ANKFN1: variants seen among roughly 807,000 people sequenced by gnomAD.
ANKFN1 encodes the protein ankyrin repeat and fibronectin type III domain containing 1, also known as ankyrin repeat and fibronectin type-III domain-containing protein 1.
In ANKFN1, 74 loss-of-function variants were observed where a neutral mutation model predicts 108.7. That is an observed-to-expected ratio of 0.68 (90% confidence interval 0.56 to 0.83). ANKFN1 has a LOEUF of 0.83. Among genes scored for constraint, ANKFN1 ranks in the 40% least tolerant of loss-of-function variants. The pLI is 0.00. For synonymous variants in ANKFN1, 547 were observed against 516.2 expected (o/e 1.06, Z -0.81); for missense variants, 1,505 against 1,382.3 (o/e 1.09, Z -1.41).
chr17:56,246,737 A>T (rs934527770), intron 3 of ANKFN1, among the ~76,000 whole-genome samples: 13 of 148,818 alleles, frequency 8.7e-5, no homozygotes, highest in African/African-American at 1.7e-4. Flanking sequence ...AATTAGATTT[A>T]AAAAAAAAAC....
chr17:56,444,687 T>G (rs2049224363), intron 10 of ANKFN1, among the ~76,000 whole-genome samples: 1 of 152,112 alleles, frequency 6.6e-6, no homozygotes, highest in Non-Finnish European at 1.5e-5. Flanking sequence ...CCTCTTGAGG[T>G]GATTTTTATT....
chr17:56,207,473 C>T (rs1003005465), intron 1 of ANKFN1, among the ~76,000 whole-genome samples: 2 of 152,184 alleles, frequency 1.3e-5, no homozygotes, highest in Non-Finnish European at 2.9e-5. Context: ...GTAGGCATTC[C>T]ATCCTCTACC....
chr17:56,243,630 C>T (rs1164252711), intron 3 of ANKFN1, among the ~76,000 whole-genome samples: 1 of 152,096 alleles, frequency 6.6e-6, no homozygotes, highest in Non-Finnish European at 1.5e-5. Context: ...TCCTAGCCCT[C>T]CCTAATTCTA....
At chr17:56,427,633 C>T (rs952000304) in intron 8 of ANKFN1, among the ~76,000 whole-genome samples, 11 of 152,040 alleles carry the variant, frequency 7.2e-5, no homozygotes, top group African/African-American at 1.9e-4. Context: ...GGGACAGAGG[C>T]GCCAACCAGG....
At chr17:56,192,592 G>C (rs1913064240) in intron 1 of ANKFN1, among the ~76,000 whole-genome samples, 1 of 13,172 alleles carries the variant, frequency 7.6e-5, no homozygotes, top group Admixed American at 7.8e-4. Flanking sequence ...GTGGGCGAAG[G>C]ACATGAACAG....
intron 17 of ANKFN1, 104 bp from the exon 18 acceptor site, chr17:56,482,252 G>T (rs2050732690): frequency 9.5e-7 from 1 of 1,049,968 alleles, no homozygotes; most frequent in South Asian, 2.2e-5. Context: ...TTCCAAGCTT[G>T]AAGTTGTGTA....
chr17:56,381,121 G>A (rs549762459), intron 8 of ANKFN1, among the ~76,000 whole-genome samples: 5 of 152,238 alleles, frequency 3.3e-5, no homozygotes, highest in South Asian at 4.1e-4. Context: ...AGCAGCATTC[G>A]CAGTTCACAA....
chr17:56,157,541 C>G (rs1319581131), intron 1 of ANKFN1, among the ~76,000 whole-genome samples: 1 of 152,170 alleles, frequency 6.6e-6, no homozygotes, highest in Non-Finnish European at 1.5e-5. Context: ...CTTCCTCTCT[C>G]GAGACTTTAG....
In ANKFN1 at chr17:56,056,188, A is replaced by G. The variant is rs557683053; in HGVS notation, c.288+9863A>G. Among the ~76,000 whole-genome samples the G allele has an allele frequency of 9.9e-5, 15 of 152,048 alleles. No homozygotes were observed. The East Asian group carries it at 2.7e-3, about 27-fold the overall frequency. On this transcript the variant is annotated intron_variant, in intron 4 of 12. Coordinates refer to the ANKFN1 transcript ENST00000635860. Reference sequence around the variant, plus strand: ...CATTCTGTTGGTTGGTTGTTTACTCAGTTGATTCTTTTCTTTTGCTGTGCA... The same window carrying G: ...CATTCTGTTGGTTGGTTGTTTACTCGGTTGATTCTTTTCTTTTGCTGTGCA...
chr17:56,489,532 A>T (rs1568044783), intron 18 of ANKFN1, among the ~76,000 whole-genome samples: 1 of 151,656 alleles, frequency 6.6e-6, no homozygotes, highest in East Asian at 1.9e-4. Context: ...CTTGTGGTGC[A>T]TGGCATGGAC....
chr17:56,344,535 C>G (rs1053739961), intron 4 of ANKFN1, among the ~76,000 whole-genome samples: 1 of 151,976 alleles, frequency 6.6e-6, no homozygotes, highest in African/African-American at 2.4e-5. Context: ...TCTGAGCATG[C>G]TCCCTGCCCT....
chr17:56,066,559 CTATT>C (rs981568057), intron 4 of ANKFN1, among the ~76,000 whole-genome samples: 1 of 151,884 alleles, frequency 6.6e-6, no homozygotes, highest in Non-Finnish European at 1.5e-5. Flanking sequence ...TTAATTTTAC[CTATT>C]TATTTTTACT....
At chr17:56,323,522 T>A (rs2045429743) in intron 3 of ANKFN1, 1 of 152,452 alleles carries the variant, frequency 6.6e-6, no homozygotes, top group African/African-American at 2.4e-5. Context: ...CCTGTAAAAG[T>A]GCTAGGAAGT....
At chr17:56,469,635 T>G (rs551619753) in intron 15 of ANKFN1, among the ~76,000 whole-genome samples, 1 of 152,106 alleles carries the variant, frequency 6.6e-6, no homozygotes, top group Non-Finnish European at 1.5e-5. Context: ...TAACTTCTCA[T>G]CCCTCACAGT....
chr17:56,307,950 C>G (rs1285489924), intron 3 of ANKFN1, among the ~76,000 whole-genome samples: 2 of 152,104 alleles, frequency 1.3e-5, no homozygotes, highest in South Asian at 2.1e-4. Flanking sequence ...AAGCTGGAAT[C>G]CATCATTCTC....
intron 6 of ANKFN1, among the ~76,000 whole-genome samples, chr17:56,371,709 C>T (rs2046815718): frequency 2.0e-5 from 3 of 152,118 alleles, no homozygotes; most frequent in Admixed American, 1.3e-4. Flanking sequence ...AAGTGACCAT[C>T]GTGGCAGGCC....
chr17:56,301,843 G>A (rs2044679241), intron 3 of ANKFN1, among the ~76,000 whole-genome samples: 1 of 152,216 alleles, frequency 6.6e-6, no homozygotes, highest in Admixed American at 6.5e-5. Context: ...GAAAACAACT[G>A]ACAGGAAGTA....
At chr17:56,211,748 G>A (rs577496795) in intron 1 of ANKFN1, among the ~76,000 whole-genome samples, 1 of 152,250 alleles carries the variant, frequency 6.6e-6, no homozygotes, top group Non-Finnish European at 1.5e-5. Flanking sequence ...CATGTGATGT[G>A]TTTCCATTTG....
At chr17:56,485,783 T>C (rs574105776) in intron 18 of ANKFN1, among the ~76,000 whole-genome samples, 2 of 152,354 alleles carry the variant, frequency 1.3e-5, no homozygotes, top group African/African-American at 2.4e-5. Flanking sequence ...GTGATAGCCC[T>C]AGAACAGTGC....
Sources: allele counts gnomAD v4.1 joint callset (sites outside exome capture counted in the v4.1 genomes callset), GRCh38; gene constraint gnomAD v4.1.1; transcripts MANE v1.5; gene names NCBI Gene and HGNC (gene_info 2026-07-23, HGNC 2026-07-21).